Variants in ASPH observed in about 807,000 individuals in gnomAD.
The protein encoded by ASPH is aspartyl/asparaginyl beta-hydroxylase.
In ASPH, 100 loss-of-function variants were observed where a neutral mutation model predicts 118.4. That is an observed-to-expected ratio of 0.84 (90% CI 0.72 to 1.00). The LOEUF (loss-of-function observed/expected upper bound fraction) is 1.00, where lower values mean the gene tolerates loss of function less well. Ranked by LOEUF, ASPH falls within the 50% of genes least tolerant of loss-of-function variation. The pLI is 0.00. For synonymous variants in ASPH, 315 were observed against 325.6 expected, an observed-to-expected ratio of 0.97 and a Z score of 0.35; for missense variants, 920 against 919.5, an observed-to-expected ratio of 1.00 and a Z score of -0.01.
At chr8:61,529,320 GGGTACT>G (rs1287071341) in intron 21 of ASPH, among the ~76,000 whole-genome samples, 1 of 152,284 alleles carries the variant, frequency 6.6e-6, no homozygotes, top group East Asian at 1.9e-4. Context: ...CTGTGACTGT[GGGTACT>G]GGTCAGGAGC....
intron 2 of ASPH, among the ~76,000 whole-genome samples, chr8:61,682,851 T>C (rs1038736310): frequency 3.3e-5 from 5 of 152,212 alleles, no homozygotes; most frequent in East Asian, 1.9e-4. Context: ...CCATGCAACA[T>C]TGTACATAGA....
At chr8:61,685,466 TA>T (rs1473304288) in intron 1 of ASPH, among the ~76,000 whole-genome samples, 1 of 152,144 alleles carries the variant, frequency 6.6e-6, no homozygotes. Context: ...CTGAGTTCCT[TA>T]ATCTCTAATC....
At chr8:61,660,519 C>T (rs1457698103) in intron 3 of ASPH, 1 of 152,108 alleles carries the variant, frequency 6.6e-6, no homozygotes, top group African/African-American at 2.4e-5. Flanking sequence ...AAGATGAGCA[C>T]ACGAGACTCT....
chr8:61,575,291 T>C (rs1834764023), intron 16 of ASPH, among the ~76,000 whole-genome samples: 1 of 152,374 alleles, frequency 6.6e-6, no homozygotes, highest in Middle Eastern at 3.4e-3. Context: ...TATAATGTTC[T>C]TTAAGTACAT....
chr8:61,675,439 CAGTA>C (rs1370477014), intron 3 of ASPH: 2 of 984,116 alleles, frequency 2.0e-6, no homozygotes, highest in East Asian at 2.3e-4. Context: ...TATCTGAAAA[CAGTA>C]AGTTAACTTA....
At chr8:61,578,710 A>C in intron 15 of ASPH, 5 of 1,608,600 alleles carry the variant, frequency 3.1e-6, no homozygotes, top group Non-Finnish European at 4.2e-6. Context: ...CTGGAGGCGG[A>C]GCTTGGCAAC....
At chr8:61,602,259 A>G (rs2133484274) in intron 14 of ASPH, among the ~76,000 whole-genome samples, 2 of 151,666 alleles carry the variant, frequency 1.3e-5, no homozygotes, top group South Asian at 4.1e-4. Context: ...ATAATGCATC[A>G]TGAGTTTTAT....
chr8:61,588,204 G>A (rs951022157), intron 14 of ASPH, among the ~76,000 whole-genome samples: 1 of 152,162 alleles, frequency 6.6e-6, no homozygotes, highest in Non-Finnish European at 1.5e-5. Context: ...GCCATTACAA[G>A]TGTTTGGCCC....
chr8:61,526,061 C>G lies in ASPH; in HGVS notation c.1816G>C (p.Asp606His). ...GGCAGGAAGAGACCTTTGGCTTTATCCATCACTGCAAGGCCTTCATCTCGG... is the reference window on the plus strand; with the variant it reads ...GGCAGGAAGAGACCTTTGGCTTTATGCATCACTGCAAGGCCTTCATCTCGG... Reference protein sequence around the residue: ...LIRDEGLAVMDKAKGLFLPED... With the variant: ...LIRDEGLAVMHKAKGLFLPED... The change falls in exon 22 of 25, where the codon GAT (aspartate) becomes CAT (histidine). Residue 606 changes from aspartate (D) to histidine (H), a missense_variant. Physicochemically the swap from Asp to His is moderately conservative, Grantham distance 81 (BLOSUM62 -1). Coordinates refer to ENST00000379454, the MANE Select transcript of ASPH (RefSeq NM_004318.4). 1 of 1,614,022 alleles carries G rather than the reference C, an allele frequency of 6.2e-7. No homozygotes were observed. The highest frequency in any genetic ancestry group is 8.5e-7 in the Non-Finnish European group (1 of 1,179,936).
chr8:61,644,031 C>T lies in ASPH; in HGVS notation c.653-30G>A, dbSNP rs7825861. On this transcript the variant is annotated intron_variant, in intron 7 of 24. Transcript: ENST00000379454. Reference sequence around the variant, plus strand: ...AAATTATGGAATAATTAGGAAATTACGTCTCAAATAAGGAATACATGTAAT... The same window carrying T: ...AAATTATGGAATAATTAGGAAATTATGTCTCAAATAAGGAATACATGTAAT... 0.19 allele frequency: 293,823 copies of T among 1,524,720 alleles called. 29,873 individuals carry two copies. Among genetic ancestry groups the T allele is most frequent in the South Asian group, 0.34 (30,077 of 87,252 alleles). 94.4% of individuals were successfully genotyped at this position (1,524,720 alleles called of 1,614,324 possible). A position where few individuals can be genotyped will look rare whatever the true frequency, so the allele number is the denominator to read the frequency against.
At chr8:61,680,850 T>C in intron 3 of ASPH, 118 bp downstream of exon 3, 2 of 742,468 alleles carry the variant, frequency 2.7e-6, no homozygotes, top group Non-Finnish European at 4.1e-6. Context: ...AAATATATGA[T>C]TTAAGGGAGA....
At chr8:61,639,034 T>C (rs930395889) in intron 10 of ASPH, among the ~76,000 whole-genome samples, 1 of 152,208 alleles carries the variant, frequency 6.6e-6, no homozygotes, top group Non-Finnish European at 1.5e-5. Flanking sequence ...AGAAAAATTA[T>C]TGAGCACCTA....
Position 61,646,793 on chromosome 8 carries a change from T to G in ASPH, c.576A>C (p.Val192=). ...EDDEFLMATD[V]DDRFETLEPE... ...GTTCCAGGGTCTCAAATCTATCATC[T>G]ACATCAGTCGCCATAAGAAACTCAT... The change falls in exon 6 of 25, where the codon GTA becomes GTC. Residue 192 remains valine, a synonymous_variant. Transcript: ENST00000379454. The G allele has an allele frequency of 3.7e-6, 6 of 1,614,062 alleles. No individual in the cohort carries two copies. Among genetic ancestry groups the G allele is most frequent in the Non-Finnish European group, 5.1e-6 (6 of 1,179,922 alleles).
chr8:61,578,730 C>T, intron 15 of ASPH: 1 of 1,607,370 alleles, frequency 6.2e-7, no homozygotes, highest in East Asian at 2.2e-5. Context: ...CATGCAGAGG[C>T]TGGTGGAGGA....
At chr8:61,579,352 T>G (rs1214162675) in intron 15 of ASPH, 2 of 1,614,088 alleles carry the variant, frequency 1.2e-6, no homozygotes, top group East Asian at 4.5e-5. Context: ...CAGGAGCTGA[T>G]GAACGTCAAG....
chr8:61,682,578 T>C (rs1828651907), intron 2 of ASPH: 6 of 1,169,814 alleles, frequency 5.1e-6, no homozygotes, highest in Non-Finnish European at 7.6e-6. Flanking sequence ...TAACAACATA[T>C]CACTGTAAGT....
Position 61,638,458 on chromosome 8 carries a change from T to C in ASPH, c.791-95A>G, listed in dbSNP as rs1858908558. 6 of 1,067,570 alleles carry C rather than the reference T, an allele frequency of 5.6e-6. No individual in the cohort carries two copies. The South Asian group carries it at 5.7e-5, about 10-fold the overall frequency. The allele number at this position is 1,067,570 out of a possible 1,614,324, so 66.1% of individuals were successfully genotyped here. On this transcript the variant is annotated intron_variant, in intron 10 of 24. Transcript: ENST00000379454. ...AAGGGCAGAGACAATGCCTTATGCATCTTTGAACCTGCAAGGTTCAGTCAC... is the reference window on the plus strand; with the variant it reads ...AAGGGCAGAGACAATGCCTTATGCACCTTTGAACCTGCAAGGTTCAGTCAC...
chr8:61,547,885 C>T (rs375139382), intron 21 of ASPH, among the ~76,000 whole-genome samples, 186 bp downstream of exon 21: 1 of 152,130 alleles, frequency 6.6e-6, no homozygotes, highest in African/African-American at 2.4e-5. Flanking sequence ...CGCACAAATT[C>T]CCTTCATCAT....
chr8:61,657,702 A>G (rs1252751933), intron 3 of ASPH: 1 of 152,176 alleles, frequency 6.6e-6, no homozygotes, highest in East Asian at 1.9e-4. Context: ...TGCATATCAG[A>G]AAGGCCCTGG....
Sources: allele counts gnomAD v4.1 joint callset (sites outside exome capture counted in the v4.1 genomes callset), GRCh38; gene constraint gnomAD v4.1.1; transcripts MANE v1.5; gene names NCBI Gene and HGNC (gene_info 2026-07-23, HGNC 2026-07-21).